RFX3: variants seen among roughly 807,000 people sequenced by gnomAD.
RFX3 encodes the protein regulatory factor X3.
A neutral mutation model predicts 98.6 loss-of-function variants in RFX3; 14 were observed. That is an observed-to-expected ratio of 0.14 (90% CI 0.09 to 0.22). RFX3 has a LOEUF of 0.22. Among genes scored for constraint, RFX3 ranks in the 10% least tolerant of loss-of-function variants. The pLI is 1.00. For synonymous variants in RFX3, 383 were observed against 328.4 expected (o/e 1.17, Z -1.80); for missense variants, 639 against 926.9 (o/e 0.69, Z 4.03).
intron 1 of RFX3, among the ~76,000 whole-genome samples, chr9:3,497,262 A>C (rs1851178508): frequency 6.6e-6 from 1 of 152,048 alleles, no homozygotes; most frequent in African/African-American, 2.4e-5. Context: ...ACTATACTAT[A>C]TAACAAAGTA....
intron 2 of RFX3, among the ~76,000 whole-genome samples, chr9:3,376,284 T>C (rs1180147849): frequency 6.6e-6 from 1 of 152,180 alleles, no homozygotes; most frequent in East Asian, 1.9e-4. Flanking sequence ...GGCAGTTTCT[T>C]ATACGGTTCA....
At chr9:3,418,264 G>C (rs76040797) in intron 1 of RFX3, among the ~76,000 whole-genome samples, 16 of 152,322 alleles carry the variant, frequency 1.1e-4, no homozygotes, top group African/African-American at 3.4e-4. Context: ...TGATTATAAA[G>C]ATTCAACAAG....
At chr9:3,303,469 G>T (rs117435016) in intron 4 of RFX3, among the ~76,000 whole-genome samples, 3,146 of 151,824 alleles carry the variant, frequency 0.021, 57 homozygotes, top group Non-Finnish European at 0.033. Flanking sequence ...AGAATTTGAG[G>T]TAAGATTTCA....
chr9:3,512,729 T>C (rs1817770233), intron 1 of RFX3, among the ~76,000 whole-genome samples: 1 of 152,008 alleles, frequency 6.6e-6, no homozygotes, highest in Non-Finnish European at 1.5e-5. Flanking sequence ...AGTACAATCT[T>C]TTTCCTTGGG....
At chr9:3,518,131 C>T (rs1388346452) in intron 1 of RFX3, among the ~76,000 whole-genome samples, 2 of 152,120 alleles carry the variant, frequency 1.3e-5, no homozygotes, top group South Asian at 4.1e-4. Context: ...ATAGCATAGG[C>T]GTGTAGCAGG....
chr9:3,279,255 A>G (rs554906715), intron 7 of RFX3, among the ~76,000 whole-genome samples: 1 of 151,840 alleles, frequency 6.6e-6, no homozygotes, highest in South Asian at 2.1e-4. Context: ...ATTCATTCCA[A>G]GTTTCAACTG....
At chr9:3,372,619 C>T (rs1311190787) in intron 2 of RFX3, among the ~76,000 whole-genome samples, 2 of 149,262 alleles carry the variant, frequency 1.3e-5, no homozygotes, top group African/African-American at 5.0e-5. Flanking sequence ...GTGATCTTGG[C>T]TCACTGCAAC....
At chr9:3,391,674 G>C (rs1397254944) in intron 2 of RFX3, among the ~76,000 whole-genome samples, 1 of 152,112 alleles carries the variant, frequency 6.6e-6, no homozygotes, top group Non-Finnish European at 1.5e-5. Context: ...GTTGGGGGTG[G>C]TGAGGGTGTG....
intron 13 of RFX3, among the ~76,000 whole-genome samples, chr9:3,258,431 A>C (rs1822417706): frequency 6.6e-6 from 1 of 152,106 alleles, no homozygotes; most frequent in African/African-American, 2.4e-5. Context: ...GATCCTACAG[A>C]CTTTACCTAT....
intron 1 of RFX3, among the ~76,000 whole-genome samples, chr9:3,507,844 CT>C (rs1359738549): frequency 6.6e-6 from 1 of 151,796 alleles, no homozygotes; most frequent in Non-Finnish European, 1.5e-5. Flanking sequence ...CCATCCTCAG[CT>C]GGTTGAATTC....
At chr9:3,282,585 T>C (rs113062772) in intron 7 of RFX3, among the ~76,000 whole-genome samples, 4,498 of 151,840 alleles carry the variant, frequency 0.03, 139 homozygotes, top group African/African-American at 0.082. Context: ...GTGCTGAGGA[T>C]GCAGTGCTGA....
chr9:3,369,995 A>ATTTT lies in RFX3; in HGVS notation c.118-23235_118-23232dup, dbSNP rs71324244. Among the ~76,000 whole-genome samples the ATTTT allele has an allele frequency of 8.8e-3, 1,168 of 132,518 alleles. 32 individuals carry two copies. Among genetic ancestry groups the ATTTT allele is most frequent in the African/African-American group, 0.032 (1,095 of 34,002 alleles). 86.9% of individuals were successfully genotyped at this position (132,518 alleles called of 152,430 possible). A position where few individuals can be genotyped will look rare whatever the true frequency, so the allele number is the denominator to read the frequency against. ...AGGCGCCCGCCACTACGCCCGGCTA[A>ATTTT]TTTTTTTTTTTTTTTTTTTGTATTT... On this transcript the variant is annotated intron_variant, in intron 2 of 16. Transcript: ENST00000617270.
In RFX3 at chr9:3,356,963, G is replaced by GCACACA. The variant is rs199897465; in HGVS notation, c.118-10205_118-10200dup. Among the ~76,000 whole-genome samples the GCACACA allele has an allele frequency of 3.9e-3, 546 of 140,922 alleles. 2 individuals are homozygous for GCACACA. Among genetic ancestry groups the GCACACA allele is most frequent in the African/African-American group, 0.014 (493 of 35,526 alleles). The allele number at this position is 140,922 out of a possible 152,430, so 92.5% of individuals were successfully genotyped here. On this transcript the variant is annotated intron_variant, in intron 2 of 16. Transcript: ENST00000617270. ...TAAACACACACACACATACACACATGCACACACACGCACACACACACACAC... is the reference window on the plus strand; with the variant it reads ...TAAACACACACACACATACACACATGCACACACACACACACGCACACACACACACAC...
intron 1 of RFX3, among the ~76,000 whole-genome samples, chr9:3,490,680 G>A (rs918583368): frequency 1.3e-5 from 2 of 152,056 alleles, no homozygotes; most frequent in East Asian, 1.9e-4. Flanking sequence ...AAGAATATGT[G>A]CTTTTAAACT....
At position 3,468,824 on chromosome 9, in the gene RFX3, AAAAAAAAG is replaced by A. The variant is rs995562556; in HGVS notation, c.-9+56915_-9+56922del. Among the ~76,000 whole-genome samples the A allele has an allele frequency of 3.9e-4, 59 of 151,322 alleles. No homozygotes were observed. In the East Asian group the frequency reaches 0.011, roughly 29 times the overall value. ...CGATTGTTTTCCTTTTGAAAAAAAA[AAAAAAAAG>A]AAAAAAGAAAAAAAAGAAGAAAAAC... On this transcript the variant is annotated intron_variant, in intron 1 of 16. Transcript: ENST00000617270.
chr9:3,424,476 C>A (rs1371235712), intron 1 of RFX3, among the ~76,000 whole-genome samples: 1 of 149,846 alleles, frequency 6.7e-6, no homozygotes, highest in Non-Finnish European at 1.5e-5. Context: ...ATTCTCCTGC[C>A]TCAGCCTCCC....
chr9:3,445,773 T>C (rs1224117690), intron 1 of RFX3, among the ~76,000 whole-genome samples: 1 of 152,212 alleles, frequency 6.6e-6, no homozygotes, highest in Non-Finnish European at 1.5e-5. Flanking sequence ...TTTCCTGTTA[T>C]TTCTCCTGTA....
intron 3 of RFX3, among the ~76,000 whole-genome samples, chr9:3,332,488 T>C (rs527645289): frequency 6.6e-6 from 1 of 152,190 alleles, no homozygotes; most frequent in African/African-American, 2.4e-5. Context: ...GATTTTGCAT[T>C]AGGGATGATC....
chr9:3,394,914 G>T, intron 2 of RFX3: 1 of 808,952 alleles, frequency 1.2e-6, no homozygotes, highest in Non-Finnish European at 1.5e-6. Context: ...AATATCTGAT[G>T]ATGAATTCAC....
Sources: allele counts gnomAD v4.1 joint callset (sites outside exome capture counted in the v4.1 genomes callset), GRCh38; gene constraint gnomAD v4.1.1; transcripts MANE v1.5; gene names NCBI Gene and HGNC (gene_info 2026-07-23, HGNC 2026-07-21).